PCDHGB3: variants seen among roughly 807,000 people sequenced by gnomAD.
PCDHGB3 encodes the protein protocadherin gamma-B3.
Under a neutral mutation model 59.2 loss-of-function variants are expected in PCDHGB3, and 40 were observed. That is an observed-to-expected ratio of 0.68 (90% CI 0.52 to 0.88). The LOEUF (loss-of-function observed/expected upper bound fraction) is 0.88. Ranked by LOEUF, PCDHGB3 falls within the 40% of genes least tolerant of loss-of-function variation. The pLI, the probability that PCDHGB3 is intolerant of heterozygous loss-of-function variation, is 0.00. For missense variants in PCDHGB3, 1,309 were observed against 1,187.9 expected, an observed-to-expected ratio of 1.10 and a Z score of -1.50; for synonymous variants, 581 against 503.6, an observed-to-expected ratio of 1.15 and a Z score of -2.06.
intron 1 of PCDHGB3, chr5:141,417,232 G>A (rs997894028): frequency 6.6e-6 from 1 of 152,072 alleles, no homozygotes; most frequent in Admixed American, 6.6e-5. Context: ...AAAATTTGTT[G>A]CTTATCTTCA....
intron 1 of PCDHGB3, among the ~76,000 whole-genome samples, chr5:141,373,062 C>T (rs898228375): frequency 1.3e-5 from 2 of 152,140 alleles, no homozygotes; most frequent in African/African-American, 4.8e-5. Flanking sequence ...TAATCTGAAA[C>T]ATTTTTAATA....
At chr5:141,410,893 G>A (rs1302061377) in intron 1 of PCDHGB3, 5 of 276,602 alleles carry the variant, frequency 1.8e-5, no homozygotes, top group South Asian at 4.6e-5. Context: ...TCGCACTGTT[G>A]CCTAGGCTGG....
rs769461165 is a variant in PCDHGB3, at chr5:141,491,293, C to G, written c.2416-3514C>G. 2 of 1,614,048 alleles carry G rather than the reference C, an allele frequency of 1.2e-6. No individual in the cohort carries two copies. Among genetic ancestry groups the G allele is most frequent in the Admixed American group, 3.3e-5 (2 of 60,008 alleles). ...ATCCAGTGACTTCCTCATACACCCT[C>G]CTGAGCGTTCAGACCTTACCCTTTA... On this transcript the variant is annotated intron_variant, in intron 1 of 3. Coordinates refer to ENST00000576222, the MANE Select transcript of PCDHGB3 (RefSeq NM_018924.5). This position sits in a 1 kb window ranked among gnomAD's most constrained non-coding sequence, Gnocchi z 6.9.
chr5:141,383,546 A>G (rs747474981), intron 1 of PCDHGB3: 1 of 1,612,542 alleles, frequency 6.2e-7, no homozygotes, highest in Non-Finnish European at 8.5e-7. Flanking sequence ...ACAGCCTCTG[A>G]TGGCGGCGAC....
chr5:141,427,881 C>A, intron 1 of PCDHGB3: 1 of 1,563,720 alleles, frequency 6.4e-7, no homozygotes, highest in African/African-American at 1.3e-5. Context: ...GATGCAGGCC[C>A]ACGACCAGGG....
chr5:141,404,995 T>A (rs1561697585), intron 1 of PCDHGB3: 1 of 1,614,008 alleles, frequency 6.2e-7, no homozygotes, highest in Non-Finnish European at 8.5e-7. Context: ...TTCAGATCCC[T>A]GCAGACCTGG....
rs779236316 is a variant in PCDHGB3 at position 141,371,129 on chromosome 5, C to T, written c.735C>T (p.Asp245=). 2 of 1,614,012 alleles carry T rather than the reference C, an allele frequency of 1.2e-6. No individual in the cohort carries two copies. The highest frequency in any genetic ancestry group is 2.2e-5 in the East Asian group (1 of 44,892). ...ATAACCCCCCAGTATTTACTCAGGACATGTACAGGGTCAATGTTGCAGAGA... is the reference window on the plus strand; with the variant it reads ...ATAACCCCCCAGTATTTACTCAGGATATGTACAGGGTCAATGTTGCAGAGA... ...ANDNPPVFTQ[D]MYRVNVAENL... The change falls in exon 1 of 4, where the codon GAC becomes GAT. Residue 245 remains aspartate (D), a synonymous_variant. Coordinates refer to ENST00000576222, the MANE Select transcript of PCDHGB3 (RefSeq NM_018924.5).
At chr5:141,383,378 C>G (rs753458256) in intron 1 of PCDHGB3, 1 of 1,614,002 alleles carries the variant, frequency 6.2e-7, no homozygotes, top group Non-Finnish European at 8.5e-7. Context: ...GCTGGGGATC[C>G]AGATGTGGGC....
At chr5:141,510,525 G>A (rs545854649) in intron 3 of PCDHGB3, among the ~76,000 whole-genome samples, 1 of 152,316 alleles carries the variant, frequency 6.6e-6, no homozygotes, top group African/African-American at 2.4e-5. Context: ...ACAGCCCTGA[G>A]AGAAATACCA....
At chr5:141,403,875 A>T in intron 1 of PCDHGB3, 1 of 1,613,816 alleles carries the variant, frequency 6.2e-7, no homozygotes, top group Non-Finnish European at 8.5e-7. Flanking sequence ...AAAAGTCTAG[A>T]TTATGAAGAA....
At position 141,450,006 on chromosome 5, in the gene PCDHGB3, C is replaced by CTATTTTTTTTTTT. The variant is rs70988802; in HGVS notation, c.2416-44800_2416-44799insATTTTTTTTTTTT. Among the ~76,000 whole-genome samples, 4 of 132,982 alleles carry CTATTTTTTTTTTT rather than the reference C, an allele frequency of 3.0e-5. 1 individual carries two copies. The highest frequency in any genetic ancestry group is 5.6e-5 in the African/African-American group (2 of 35,576). 87.2% of individuals were successfully genotyped at this position (132,982 alleles called of 152,430 possible). A position where few individuals can be genotyped will look rare whatever the true frequency, so the allele number is the denominator to read the frequency against. Reference sequence around the variant, plus strand: ...CACATTGCATTTAGTTGCCATGTCTCTTTTTTTTTTTTTTTTTTGAGACAG... The same window carrying CTATTTTTTTTTTT: ...CACATTGCATTTAGTTGCCATGTCTCTATTTTTTTTTTTTTTTTTTTTTTTTTTTTTGAGACAG... On this transcript the variant is annotated intron_variant, in intron 1 of 3. Transcript: ENST00000576222.
intron 1 of PCDHGB3, chr5:141,421,544 A>G (rs2096582597): frequency 6.2e-7 from 1 of 1,613,912 alleles, no homozygotes; most frequent in African/African-American, 1.3e-5. Context: ...TGTTTTTTAA[A>G]TATGGAACTT....
intron 1 of PCDHGB3, among the ~76,000 whole-genome samples, chr5:141,464,648 G>A (rs776411908): frequency 6.6e-6 from 1 of 152,020 alleles, no homozygotes; most frequent in African/African-American, 2.4e-5. Flanking sequence ...AACCTGATGG[G>A]TAAAAAGATA....
intron 1 of PCDHGB3, chr5:141,418,530 G>A (rs370822103): frequency 5.0e-6 from 8 of 1,613,834 alleles, no homozygotes; most frequent in Non-Finnish European, 6.8e-6. Context: ...CCCCGAAGCG[G>A]TACTGCTCAG....
chr5:141,378,320 CGA>C (rs1285013125), intron 1 of PCDHGB3: 1 of 152,164 alleles, frequency 6.6e-6, no homozygotes, highest in Admixed American at 6.5e-5. Flanking sequence ...GTCAGGAGTT[CGA>C]GACCAGCCTG....
chr5:141,402,324 A>G (rs895598623), intron 1 of PCDHGB3, among the ~76,000 whole-genome samples: 2 of 152,012 alleles, frequency 1.3e-5, no homozygotes, highest in Admixed American at 1.3e-4. Context: ...TTTTACATTT[A>G]CAAATATATA....
At chr5:141,421,966 G>A in intron 1 of PCDHGB3, 1 of 1,610,918 alleles carries the variant, frequency 6.2e-7, no homozygotes, top group Non-Finnish European at 8.5e-7. Flanking sequence ...TACACAGTCC[G>A]TATATCGCGT....
At chr5:141,426,665 T>A in intron 1 of PCDHGB3, 1 of 429,940 alleles carries the variant, frequency 2.3e-6, no homozygotes, top group South Asian at 1.6e-5. Context: ...ATATAAATGA[T>A]AACCCACCTC....
chr5:141,375,876 C>T, intron 1 of PCDHGB3: 1 of 1,613,848 alleles, frequency 6.2e-7, no homozygotes, highest in Non-Finnish European at 8.5e-7. Context: ...GACAGAGACT[C>T]GGGCCAGAAC....
Sources: allele counts gnomAD v4.1 joint callset (sites outside exome capture counted in the v4.1 genomes callset), GRCh38; gene constraint gnomAD v4.1.1; non-coding constraint Gnocchi (gnomAD v3.1); transcripts MANE v1.5; gene names NCBI Gene and HGNC (gene_info 2026-07-23, HGNC 2026-07-21).